TENM4: variants seen among roughly 807,000 people sequenced by gnomAD.
TENM4 encodes the protein teneurin-4.
A neutral mutation model predicts 243.3 loss-of-function variants in TENM4; 82 were observed. That is an observed-to-expected ratio of 0.34 (90% confidence interval 0.28 to 0.40). The LOEUF (loss-of-function observed/expected upper bound fraction) is 0.40. Among genes scored for constraint, TENM4 ranks in the 10% least tolerant of loss-of-function variants. The probability of loss-of-function intolerance (pLI) is 1.00; values close to 1 mark genes in which losing one functional copy is unlikely to be tolerated. For missense variants in TENM4, 3,138 were observed against 3,673.3 expected (o/e 0.85, Z 3.77); for synonymous variants, 1,412 against 1,456.3 (o/e 0.97, Z 0.69).
chr11:79,331,762 G>C (rs776484871), intron 1 of TENM4, among the ~76,000 whole-genome samples: 1 of 152,198 alleles, frequency 6.6e-6, no homozygotes. Flanking sequence ...CTGCAACCCC[G>C]GGCAGGGGAG....
chr11:79,364,727 T>G (rs561972536), intron 1 of TENM4, among the ~76,000 whole-genome samples: 1 of 152,344 alleles, frequency 6.6e-6, no homozygotes, highest in Admixed American at 6.5e-5. Flanking sequence ...GGCCCCAAGT[T>G]ACACATCTGT....
intron 6 of TENM4, among the ~76,000 whole-genome samples, chr11:78,947,059 G>T (rs1410943078): frequency 2.6e-5 from 4 of 152,164 alleles, no homozygotes; most frequent in Non-Finnish European, 5.9e-5. Context: ...CTCCAGTTTT[G>T]AAAGAAATTC....
At chr11:79,425,122 C>G (rs1859021263) in intron 1 of TENM4, among the ~76,000 whole-genome samples, 1 of 152,164 alleles carries the variant, frequency 6.6e-6, no homozygotes, top group African/African-American at 2.4e-5. Flanking sequence ...TGAATCACAT[C>G]TACTCCAGAG....
chr11:79,030,359 C>G (rs1028516240), intron 6 of TENM4, among the ~76,000 whole-genome samples: 1 of 152,194 alleles, frequency 6.6e-6, no homozygotes, highest in Non-Finnish European at 1.5e-5. Context: ...TTCCCAAGTC[C>G]TCACTTGAAA....
intron 6 of TENM4, among the ~76,000 whole-genome samples, chr11:78,980,520 G>C (rs1041124194): frequency 3.3e-5 from 5 of 152,198 alleles, no homozygotes; most frequent in Admixed American, 2.6e-4. Context: ...AGGCCTGGAA[G>C]GTGACAGAAT....
intron 6 of TENM4, among the ~76,000 whole-genome samples, chr11:78,917,007 A>T (rs1856331415): frequency 6.6e-6 from 1 of 152,214 alleles, no homozygotes; most frequent in African/African-American, 2.4e-5. Context: ...ACATGCACTG[A>T]GCAATTTATT....
At chr11:79,410,087 G>A (rs932055125) in intron 1 of TENM4, among the ~76,000 whole-genome samples, 6 of 152,108 alleles carry the variant, frequency 3.9e-5, no homozygotes, top group African/African-American at 1.4e-4. Context: ...AAAAGTTTAC[G>A]AATTTGTGTT....
At chr11:79,211,551 T>G (rs1863956355) in intron 3 of TENM4, among the ~76,000 whole-genome samples, 1 of 152,238 alleles carries the variant, frequency 6.6e-6, no homozygotes, top group Non-Finnish European at 1.5e-5. Flanking sequence ...TTTTCGAGGT[T>G]GAATGCAGAA....
At chr11:79,324,402 G>A (rs117541151) in intron 1 of TENM4, among the ~76,000 whole-genome samples, 2,651 of 152,034 alleles carry the variant, frequency 0.017, 38 homozygotes, top group Middle Eastern at 0.068. Flanking sequence ...AAAAAAAAAT[G>A]TAGAGATCAG....
chr11:79,313,677 T>A (rs7929906), intron 1 of TENM4, among the ~76,000 whole-genome samples: 10,595 of 152,256 alleles, frequency 0.07, 430 homozygotes, highest in South Asian at 0.083. Flanking sequence ...TTGTCCTCCA[T>A]GAATGATGGC....
At chr11:79,409,060 TTGTG>T (rs559211499) in intron 1 of TENM4, among the ~76,000 whole-genome samples, 4,670 of 141,924 alleles carry the variant, frequency 0.033, 105 homozygotes, top group Admixed American at 0.065. Context: ...GAGGGATATT[TTGTG>T]TGTGTGTGTG....
chr11:79,172,055 G>T (rs1307665785), intron 3 of TENM4, among the ~76,000 whole-genome samples: 1 of 152,140 alleles, frequency 6.6e-6, no homozygotes, highest in Non-Finnish European at 1.5e-5. Flanking sequence ...GGACTTAAGG[G>T]ATCCTTTCAC....
intron 4 of TENM4, among the ~76,000 whole-genome samples, chr11:79,081,982 G>A (rs1860687377): frequency 1.3e-5 from 2 of 152,062 alleles, no homozygotes; most frequent in African/African-American, 4.8e-5. Flanking sequence ...TCCCTGCATT[G>A]CTCTGTGCCT....
At chr11:78,662,763 A>G (rs1858063063) in intron 32 of TENM4, among the ~76,000 whole-genome samples, 2 of 152,118 alleles carry the variant, frequency 1.3e-5, no homozygotes. Context: ...CATACTCACA[A>G]CTCTGAAGGA....
intron 9 of TENM4, among the ~76,000 whole-genome samples, chr11:78,880,954 T>C (rs962956182): frequency 1.2e-4 from 19 of 152,062 alleles, no homozygotes; most frequent in South Asian, 8.3e-4. Flanking sequence ...TTGGGGGTGA[T>C]GGAATGGTTA....
intron 12 of TENM4, among the ~76,000 whole-genome samples, chr11:78,849,110 G>T (rs939599411): frequency 6.6e-6 from 1 of 152,178 alleles, no homozygotes; most frequent in Non-Finnish European, 1.5e-5. Context: ...CACAATGTCA[G>T]GCTGATCTGT....
chr11:79,309,991 G>A (rs1856692381), intron 1 of TENM4, among the ~76,000 whole-genome samples: 1 of 152,096 alleles, frequency 6.6e-6, no homozygotes, highest in African/African-American at 2.4e-5. Flanking sequence ...GGCTGGATGT[G>A]GTGCTGCTCA....
chr11:79,415,292 G>T (rs78711136), intron 1 of TENM4, among the ~76,000 whole-genome samples: 83 of 152,348 alleles, frequency 5.4e-4, no homozygotes, highest in African/African-American at 1.9e-3. Flanking sequence ...AAGCACTCAT[G>T]TCTATGCCCC....
intron 6 of TENM4, among the ~76,000 whole-genome samples, chr11:78,996,412 T>A (rs992959599): frequency 4.6e-5 from 7 of 152,172 alleles, no homozygotes; most frequent in African/African-American, 1.7e-4. Context: ...CCATCTTCGA[T>A]GTTTTAGCCC....
Sources: allele counts gnomAD v4.1 joint callset (sites outside exome capture counted in the v4.1 genomes callset), GRCh38; gene constraint gnomAD v4.1.1; transcripts MANE v1.5; gene names NCBI Gene and HGNC (gene_info 2026-07-23, HGNC 2026-07-21).